The following LNP1 variants were observed in gnomAD, a reference collection of about 807,000 sequenced individuals.
The protein encoded by LNP1 is leukemia NUP98 fusion partner 1.
LNP1 carries 12 observed loss-of-function variants against 14.5 expected under a neutral mutation model. That is an observed-to-expected ratio of 0.83 (90% CI 0.53 to 1.34). The LOEUF (loss-of-function observed/expected upper bound fraction) is 1.34. Ranked by LOEUF, LNP1 falls within the 40% of genes most tolerant of loss-of-function variation. The probability of loss-of-function intolerance (pLI) is 0.00; values close to 1 mark genes in which losing one functional copy is unlikely to be tolerated. For synonymous variants in LNP1, 75 were observed against 71.4 expected, an observed-to-expected ratio of 1.05 and a Z score of -0.26; for missense variants, 198 against 210.9, an observed-to-expected ratio of 0.94 and a Z score of 0.38.
At chr3:100,433,850 C>A (rs945299846) in intron 2 of LNP1, among the ~76,000 whole-genome samples, 1 of 151,936 alleles carries the variant, frequency 6.6e-6, no homozygotes, top group Non-Finnish European at 1.5e-5. Flanking sequence ...TTTTTTTGGC[C>A]GCATAAATGT....
In LNP1 at chr3:100,455,839, AAAGAAAGTAGAGG is replaced by A; in HGVS notation, c.458_470del (p.Val153GlyfsTer41). On this transcript the variant is annotated frameshift_variant, in exon 4 of 4. Coordinates refer to ENST00000383693, the MANE Select transcript of LNP1 (RefSeq NM_001085451.2). LOFTEE classifies it low-confidence loss of function (END_TRUNC). ...GCCTGAGGATGGAGATAAAATCCCG[AAAGAAAGTAGAGG>A]AAGAAAGGAGCTCTAGGAAAGAAGA... 6.2e-7 allele frequency: 1 copy of A among 1,614,122 alleles called. No individual in the cohort carries two copies. Among genetic ancestry groups the A allele is most frequent in the East Asian group, 2.2e-5 (1 of 44,882 alleles).
chr3:100,441,716 G>A (rs890415301), intron 2 of LNP1, among the ~76,000 whole-genome samples: 11 of 151,886 alleles, frequency 7.2e-5, no homozygotes, highest in South Asian at 2.1e-4. Flanking sequence ...AGGCTGGAGC[G>A]CAGTGGTGCA....
chr3:100,411,568 C>T (rs1707032281), intron 1 of LNP1, among the ~76,000 whole-genome samples: 1 of 152,192 alleles, frequency 6.6e-6, no homozygotes, highest in African/African-American at 2.4e-5. Flanking sequence ...GCATAAACAG[C>T]AGAAATTTGT....
At chr3:100,441,135 G>C (rs1707340202) in intron 2 of LNP1, among the ~76,000 whole-genome samples, 1 of 152,144 alleles carries the variant, frequency 6.6e-6, no homozygotes. Flanking sequence ...AGGAAGAAGT[G>C]AGCAAATGTC....
At chr3:100,409,587 C>CAT (rs1249159685) in intron 1 of LNP1, among the ~76,000 whole-genome samples, 12 of 112,484 alleles carry the variant, frequency 1.1e-4, no homozygotes, top group African/African-American at 4.5e-4. Context: ...CACACACACA[C>CAT]ACACATATAT....
chr3:100,446,866 G>A (rs575221673), intron 2 of LNP1, among the ~76,000 whole-genome samples: 2 of 152,262 alleles, frequency 1.3e-5, no homozygotes, highest in African/African-American at 4.8e-5. Context: ...ATCATCACTG[G>A]TCATCAGAGA....
intron 1 of LNP1, among the ~76,000 whole-genome samples, chr3:100,413,268 AT>A (rs376752711): frequency 4.3e-4 from 65 of 152,164 alleles, no homozygotes; most frequent in East Asian, 1.4e-3. Context: ...TTATGCGGTT[AT>A]TTTTTCCCCC....
chr3:100,455,747 T>G, intron 3 of LNP1, 30 bp from the exon 4 acceptor site: 1 of 1,611,442 alleles, frequency 6.2e-7, no homozygotes, highest in Admixed American at 1.7e-5. Flanking sequence ...GCTTGTGCAT[T>G]TTTACCTGTT....
chr3:100,409,606 A>ATAT (rs1429906485), intron 1 of LNP1, among the ~76,000 whole-genome samples: 9 of 124,466 alleles, frequency 7.2e-5, no homozygotes, highest in Admixed American at 1.7e-4. Flanking sequence ...ATATATATAT[A>ATAT]TTTTTTTTTT....
intron 1 of LNP1, among the ~76,000 whole-genome samples, chr3:100,416,814 T>C (rs1289104045): frequency 6.6e-6 from 1 of 151,768 alleles, no homozygotes; most frequent in African/African-American, 2.4e-5. Context: ...TTGTTGCACC[T>C]ATCAACCCAT....
At chr3:100,419,919 A>C (rs1707128083) in intron 1 of LNP1, among the ~76,000 whole-genome samples, 3 of 152,082 alleles carry the variant, frequency 2.0e-5, no homozygotes, top group Non-Finnish European at 4.4e-5. Flanking sequence ...CATATGGTAG[A>C]TGTATTTTTT....
chr3:100,411,496 T>C (rs968357890), intron 1 of LNP1, among the ~76,000 whole-genome samples: 1 of 152,230 alleles, frequency 6.6e-6, no homozygotes, highest in Admixed American at 6.5e-5. Context: ...TGCCCCACTC[T>C]TAGTACCAAA....
rs565769310 is a variant in LNP1, at chr3:100,418,059, A to ACTT, written c.-33-11638_-33-11637insCTT. ...GTTTTGTTCTTTCATTTCTCATACC[A>ACTT]TTTTTTTTTTTTTTTTTTGAGATGG... On this transcript the variant is annotated intron_variant, in intron 1 of 3. Coordinates refer to ENST00000383693, the MANE Select transcript of LNP1 (RefSeq NM_001085451.2). Among the ~76,000 whole-genome samples the ACTT allele has an allele frequency of 6.2e-4, 72 of 115,604 alleles. 17 individuals are homozygous for ACTT. Among genetic ancestry groups the ACTT allele is most frequent in the African/African-American group, 5.2e-4 (16 of 30,808 alleles). The allele number at this position is 115,604 out of a possible 152,430, so 75.8% of individuals were successfully genotyped here. A position where few individuals can be genotyped will look rare whatever the true frequency, so the allele number is the denominator to read the frequency against.
intron 1 of LNP1, among the ~76,000 whole-genome samples, chr3:100,403,598 G>C (rs961132979): frequency 6.6e-6 from 1 of 152,114 alleles, no homozygotes; most frequent in Non-Finnish European, 1.5e-5. Flanking sequence ...CCAGTAGCTG[G>C]GATTATAGGC....
At chr3:100,439,527 C>T (rs1273674453) in intron 2 of LNP1, among the ~76,000 whole-genome samples, 1 of 152,104 alleles carries the variant, frequency 6.6e-6, no homozygotes, top group African/African-American at 2.4e-5. Context: ...AGTCCTTGTC[C>T]TCTAACCCTT....
chr3:100,423,830 G>A (rs1707168241), intron 1 of LNP1, among the ~76,000 whole-genome samples: 1 of 152,168 alleles, frequency 6.6e-6, no homozygotes, highest in Non-Finnish European at 1.5e-5. Flanking sequence ...AAAAAGCGCA[G>A]CTCCCTTTGG....
intron 2 of LNP1, among the ~76,000 whole-genome samples, chr3:100,437,879 C>T (rs34571713): frequency 5.9e-5 from 9 of 152,102 alleles, no homozygotes. Flanking sequence ...ATCCAGGAAC[C>T]AGATGTCACA....
At chr3:100,422,400 G>A (rs948971551) in intron 1 of LNP1, among the ~76,000 whole-genome samples, 7 of 152,016 alleles carry the variant, frequency 4.6e-5, no homozygotes, top group Admixed American at 3.9e-4. Flanking sequence ...AGCCAGGATG[G>A]TCTTGATCTC....
intron 2 of LNP1, among the ~76,000 whole-genome samples, chr3:100,443,831 G>A (rs952051964): frequency 6.6e-6 from 1 of 152,142 alleles, no homozygotes; most frequent in African/African-American, 2.4e-5. Context: ...CATAAGTTAA[G>A]AATACTCCCA....
Sources: gnomAD v4.1 joint callset for allele counts (sites outside exome capture counted in the v4.1 genomes callset) on GRCh38, gnomAD v4.1.1 for gene constraint, MANE v1.5 for transcripts, NCBI Gene and HGNC (gene_info 2026-07-23, HGNC 2026-07-21) for gene names.